Variants in RBKS observed in about 807,000 individuals in gnomAD.
RBKS encodes the protein ribokinase.
A neutral mutation model predicts 33.9 loss-of-function variants in RBKS; 33 were observed. The observed-to-expected ratio is 0.97, with a 90% CI of 0.74 to 1.30. The LOEUF is 1.30. Among genes scored for constraint, RBKS ranks in the 50% most tolerant of loss-of-function variants. The pLI, the probability that RBKS is intolerant of heterozygous loss-of-function variation, is 0.00. For synonymous variants in RBKS, 125 were observed against 143.0 expected, an observed-to-expected ratio of 0.87 and a Z score of 0.90; for missense variants, 361 against 392.6, an observed-to-expected ratio of 0.92 and a Z score of 0.68.
chr2:27,814,430 GA>G (rs1558539613), intron 7 of RBKS, among the ~76,000 whole-genome samples: 2 of 152,102 alleles, frequency 1.3e-5, no homozygotes, highest in African/African-American at 4.8e-5. Context: ...TTTGAAGGAA[GA>G]AAGGATAAAA....
chr2:27,854,651 G>T (rs927104753), intron 2 of RBKS, among the ~76,000 whole-genome samples: 19 of 151,926 alleles, frequency 1.3e-4, no homozygotes, highest in African/African-American at 4.6e-4. Flanking sequence ...ATAATTTAAA[G>T]TACATGTAAA....
At chr2:27,793,580 C>A (rs1021871064) in intron 7 of RBKS, among the ~76,000 whole-genome samples, 14 of 152,262 alleles carry the variant, frequency 9.2e-5, no homozygotes, top group African/African-American at 3.4e-4. Flanking sequence ...TTGTGCTGTT[C>A]AAAAAATATC....
chr2:27,864,293 T>C (rs1664044882), intron 1 of RBKS, among the ~76,000 whole-genome samples: 1 of 152,156 alleles, frequency 6.6e-6, no homozygotes, highest in South Asian at 2.1e-4. Context: ...AAAGCACTGA[T>C]ATTACAGGCG....
chr2:27,805,770 TCAC>T (rs1205811789), intron 7 of RBKS, among the ~76,000 whole-genome samples: 2 of 152,066 alleles, frequency 1.3e-5, no homozygotes, highest in Non-Finnish European at 2.9e-5. Flanking sequence ...AGACGGGGTT[TCAC>T]CATACAGGTC....
intron 1 of RBKS, among the ~76,000 whole-genome samples, chr2:27,866,094 T>G (rs1664093036): frequency 6.6e-6 from 1 of 152,084 alleles, no homozygotes; most frequent in African/African-American, 2.4e-5. Context: ...CCTTTAACAT[T>G]TATTATAGTG....
At chr2:27,869,914 G>C (rs1242711475) in intron 1 of RBKS, 2 of 152,332 alleles carry the variant, frequency 1.3e-5, no homozygotes, top group African/African-American at 4.8e-5. Context: ...TGGATATTAT[G>C]CCTTGACTTC....
Position 27,837,914 on chromosome 2 carries a change from T to C in RBKS, c.515-5137A>G, listed in dbSNP as rs1678557731. ...TACTCCCATGTAACAAATCTGCATATGAAGGCCTGGTGCGGTGGTTCATGC... is the reference window on the plus strand; with the variant it reads ...TACTCCCATGTAACAAATCTGCATACGAAGGCCTGGTGCGGTGGTTCATGC... On this transcript the variant is annotated intron_variant, in intron 5 of 7. Transcript: ENST00000302188. The surrounding 1 kb of genome is among the most constrained non-coding windows in gnomAD (Gnocchi z 4.0). Among the ~76,000 whole-genome samples the C allele has an allele frequency of 6.6e-6, 1 of 152,054 alleles. No individual in the cohort carries two copies. Among genetic ancestry groups the C allele is most frequent in the African/African-American group, 2.4e-5 (1 of 41,410 alleles).
At chr2:27,886,680 C>T (rs1346603722) in intron 1 of RBKS, among the ~76,000 whole-genome samples, 1 of 151,620 alleles carries the variant, frequency 6.6e-6, no homozygotes. Context: ...TCAAGACCAG[C>T]CTGGGCAATA....
chr2:27,840,691 G>C (rs992603128), intron 5 of RBKS, among the ~76,000 whole-genome samples: 3 of 152,106 alleles, frequency 2.0e-5, no homozygotes, highest in Non-Finnish European at 2.9e-5. Flanking sequence ...TCTTCATAAA[G>C]GCTCAGTTTG....
At chr2:27,782,733 G>T (rs948525892) in intron 7 of RBKS, 3 of 364,038 alleles carry the variant, frequency 8.2e-6, no homozygotes, top group South Asian at 2.0e-5. Flanking sequence ...AAGTTACTTT[G>T]CTCCCTTTTT....
intron 7 of RBKS, among the ~76,000 whole-genome samples, chr2:27,820,890 A>G (rs539651719): frequency 6.6e-6 from 1 of 152,224 alleles, no homozygotes; most frequent in African/African-American, 2.4e-5. Flanking sequence ...AATACAAAAA[A>G]TTAGCTGGGA....
intron 2 of RBKS, 57 bp from the exon 3 acceptor site, chr2:27,848,154 G>T: frequency 1.0e-6 from 1 of 991,714 alleles, no homozygotes; most frequent in Non-Finnish European, 1.5e-6. Context: ...ATGCTACAAT[G>T]TAGTTTTTAG....
At position 27,795,238 on chromosome 2, in the gene RBKS, C is replaced by G. The variant is rs548163484; in HGVS notation, c.796-13450G>C. ...GTTGCCCCAGTCTCCACCTTCTCACCAGATGTGAGATGCAGGGGTTCTGTG... is the reference window on the plus strand; with the variant it reads ...GTTGCCCCAGTCTCCACCTTCTCACGAGATGTGAGATGCAGGGGTTCTGTG... On this transcript the variant is annotated intron_variant, in intron 7 of 7. Transcript: ENST00000302188. This position sits in a 1 kb window ranked among gnomAD's most constrained non-coding sequence, Gnocchi z 4.1. Among the ~76,000 whole-genome samples the G allele has an allele frequency of 6.6e-6, 1 of 152,274 alleles. No individual in the cohort carries two copies. The highest frequency in any genetic ancestry group is 1.5e-5 in the Non-Finnish European group (1 of 68,030).
intron 7 of RBKS, among the ~76,000 whole-genome samples, chr2:27,819,797 T>G (rs1678163060): frequency 6.6e-6 from 1 of 152,232 alleles, no homozygotes; most frequent in African/African-American, 2.4e-5. Context: ...ACAGTGATGC[T>G]TTGACATTTA....
At chr2:27,812,087 G>T (rs552759500) in intron 7 of RBKS, among the ~76,000 whole-genome samples, 65 of 152,190 alleles carry the variant, frequency 4.3e-4, no homozygotes, top group African/African-American at 1.5e-3. Context: ...TTGTAAATTT[G>T]TAAGAAATTT....
chr2:27,796,785 G>C (rs1214507393), intron 7 of RBKS, among the ~76,000 whole-genome samples: 1 of 152,210 alleles, frequency 6.6e-6, no homozygotes, highest in East Asian at 1.9e-4. Flanking sequence ...GCCTGGAGCT[G>C]GGTATGGGTC....
chr2:27,878,475 G>T (rs200541488), intron 1 of RBKS, among the ~76,000 whole-genome samples: 1 of 152,284 alleles, frequency 6.6e-6, no homozygotes, highest in East Asian at 1.9e-4. Flanking sequence ...ATTGTGAATA[G>T]TACCGCAATA....
At chr2:27,872,898 A>G (rs182631322) in intron 1 of RBKS, among the ~76,000 whole-genome samples, 20 of 152,268 alleles carry the variant, frequency 1.3e-4, no homozygotes, top group Admixed American at 1.2e-3. Flanking sequence ...GCTTGAATGG[A>G]TGCAGAGGGG....
chr2:27,864,675 A>G (rs1664053724), intron 1 of RBKS, among the ~76,000 whole-genome samples: 1 of 302 alleles, frequency 3.3e-3, no homozygotes, highest in Non-Finnish European at 0.033. Flanking sequence ...CATTCTGAGA[A>G]AAAAAAAAAC....
Sources: allele counts gnomAD v4.1 joint callset (sites outside exome capture counted in the v4.1 genomes callset), GRCh38; gene constraint gnomAD v4.1.1; non-coding constraint Gnocchi (gnomAD v3.1); transcripts MANE v1.5; gene names NCBI Gene and HGNC (gene_info 2026-07-23, HGNC 2026-07-21).